Variants in PEPD observed in about 807,000 individuals in gnomAD.
The protein encoded by PEPD is peptidase D, also known as xaa-Pro dipeptidase.
Under a neutral mutation model 60.7 loss-of-function variants are expected in PEPD, and 53 were observed. That is an observed-to-expected ratio of 0.87 (90% CI 0.70 to 1.10). PEPD has a LOEUF of 1.10. Among genes scored for constraint, PEPD ranks in the 50% least tolerant of loss-of-function variants. The pLI is 0.00. For synonymous variants in PEPD, 267 were observed against 284.1 expected (o/e 0.94, Z 0.60); for missense variants, 711 against 711.9 (o/e 1.00, Z 0.01).
rs1013953631 is a variant in PEPD at position 33,488,123 on chromosome 19, G to A, written c.503+1873C>T. Among the ~76,000 whole-genome samples, 7 of 152,130 alleles carry A rather than the reference G, an allele frequency of 4.6e-5. No individual in the cohort carries two copies. The South Asian group carries it at 6.2e-4, about 13-fold the overall frequency. ...AGGAGGAGCAAGCAAAGCTCTCACC[G>A]CTGAGAAGGCCCTCGACTCACTGAC... is the stretch of plus-strand genomic sequence containing the variant. On this transcript the variant is annotated intron_variant, in intron 6 of 14. Coordinates refer to ENST00000244137, the MANE Select transcript of PEPD (RefSeq NM_000285.4).
rs534504615 is a variant in PEPD, at chr19:33,518,972, A to G, written c.17+2772T>C. Among the ~76,000 whole-genome samples, 8 of 152,328 alleles carry G rather than the reference A, an allele frequency of 5.3e-5. No individual in the cohort carries two copies. In the South Asian group the frequency reaches 1.7e-3, roughly 32 times the overall value. ...ATCATATAGAGGACAAGAACATTCCAGGGCTAGTTGGGTGAGTGTGCAAGG... is the reference window on the plus strand; with the variant it reads ...ATCATATAGAGGACAAGAACATTCCGGGGCTAGTTGGGTGAGTGTGCAAGG... On this transcript the variant is annotated intron_variant, in intron 1 of 14. Transcript: ENST00000244137.
Position 33,490,012 on chromosome 19 carries a change from A to G in PEPD, c.487T>C (p.Phe163Leu). The G allele has an allele frequency of 6.2e-7, 1 of 1,609,546 alleles. No homozygotes were observed. Among genetic ancestry groups the G allele is most frequent in the Non-Finnish European group, 8.5e-7 (1 of 1,177,228 alleles). Reference protein sequence around the residue: ...DSGSVCREASFDGISKFEVNN... With the variant: ...DSGSVCREASLDGISKFEVNN... ...AGGACTCACTTGCTGATGCCGTCAA[A>G]GGAGGCCTCCCTGCAGACACTGCCG... The change falls in exon 6 of 15, where the codon TTT (phenylalanine) becomes CTT (leucine). Residue 163 changes from phenylalanine (F) to leucine (L), a missense_variant. Coordinates refer to ENST00000244137, the MANE Select transcript of PEPD (RefSeq NM_000285.4).
chr19:33,489,553 C>T (rs546432524), intron 6 of PEPD, among the ~76,000 whole-genome samples: 19 of 152,012 alleles, frequency 1.2e-4, no homozygotes, highest in South Asian at 8.3e-4. Flanking sequence ...CACTTGAATC[C>T]GGGAGATGGA....
intron 1 of PEPD, among the ~76,000 whole-genome samples, chr19:33,520,806 C>CA (rs1164873302): frequency 1.3e-5 from 2 of 150,702 alleles, no homozygotes; most frequent in Non-Finnish European, 3.0e-5. Context: ...ACTGTACCAC[C>CA]AGACCCACAC....
At chr19:33,439,127 T>C (rs2145407642) in intron 9 of PEPD, among the ~76,000 whole-genome samples, 1 of 152,356 alleles carries the variant, frequency 6.6e-6, no homozygotes, top group Non-Finnish European at 1.5e-5. Context: ...TTGGAGGGGC[T>C]GCTTGAGACG....
intron 12 of PEPD, among the ~76,000 whole-genome samples, chr19:33,397,773 G>T (rs1968400286): frequency 6.6e-6 from 1 of 152,156 alleles, no homozygotes; most frequent in Non-Finnish European, 1.5e-5. Context: ...TGTGGCCCCA[G>T]ACACCCCTGC....
chr19:33,435,592 TC>T (rs1301597166), intron 9 of PEPD, among the ~76,000 whole-genome samples: 1 of 152,176 alleles, frequency 6.6e-6, no homozygotes, highest in Admixed American at 6.5e-5. Context: ...GGTGCTGGGG[TC>T]CCTGGGCCCT....
intron 12 of PEPD, among the ~76,000 whole-genome samples, chr19:33,397,523 GC>G (rs1968393486): frequency 6.6e-6 from 1 of 152,066 alleles, no homozygotes; most frequent in Non-Finnish European, 1.5e-5. Flanking sequence ...TGCCCCACGG[GC>G]CTTCACTGTG....
intron 9 of PEPD, among the ~76,000 whole-genome samples, chr19:33,416,212 C>G (rs1195183534): frequency 3.3e-5 from 5 of 152,186 alleles, no homozygotes; most frequent in Non-Finnish European, 5.9e-5. Flanking sequence ...GCTGGGATGA[C>G]CAGGAGCAAG....
rs917170557 is a variant in PEPD, at chr19:33,512,902, C to T, written c.18-126G>A. On this transcript the variant is annotated intron_variant, in intron 1 of 14. Transcript: ENST00000244137. ...GGGACCCCCATCAGCACGGGGCAAG[C>T]TGCCCAAGCTCCACCTACTTATGAC... 2.2e-5 allele frequency: 22 copies of T among 984,062 alleles called. No homozygotes were observed. The African/African-American group carries it at 3.2e-4, about 14-fold the overall frequency. 61.0% of individuals were successfully genotyped at this position (984,062 alleles called of 1,614,324 possible).
chr19:33,498,947 G>A (rs903087136), intron 4 of PEPD, among the ~76,000 whole-genome samples: 29 of 152,166 alleles, frequency 1.9e-4, no homozygotes, highest in Admixed American at 1.6e-3. Context: ...GTTTCACATC[G>A]AAGAGACCTG....
chr19:33,481,476 G>T (rs1970312824), intron 6 of PEPD, among the ~76,000 whole-genome samples: 1 of 152,156 alleles, frequency 6.6e-6, no homozygotes, highest in Non-Finnish European at 1.5e-5. Flanking sequence ...TGAGGCAGGA[G>T]AATTGCTTGA....
intron 7 of PEPD, among the ~76,000 whole-genome samples, chr19:33,472,708 A>C (rs749868378): frequency 6.6e-6 from 1 of 152,214 alleles, no homozygotes; most frequent in Non-Finnish European, 1.5e-5. Context: ...ACAAGGATGA[A>C]GGATTTCCAA....
chr19:33,432,560 C>T (rs1969296139), intron 9 of PEPD, among the ~76,000 whole-genome samples: 1 of 152,186 alleles, frequency 6.6e-6, no homozygotes, highest in Non-Finnish European at 1.5e-5. Flanking sequence ...GGTGCTCTCA[C>T]TGGAAAAAAA....
chr19:33,388,383 C>T, intron 13 of PEPD: 1 of 577,086 alleles, frequency 1.7e-6, no homozygotes, highest in Non-Finnish European at 3.2e-6. Flanking sequence ...GCCTGTGGGG[C>T]TGGCTGAGGG....
In PEPD at chr19:33,501,113, G is replaced by A. The variant is rs565781070; in HGVS notation, c.330-112C>T. 1.9e-4 allele frequency: 144 copies of A among 773,204 alleles called. No individual in the cohort carries two copies. The African/African-American group carries it at 2.0e-3, about 11-fold the overall frequency. The allele number at this position is 773,204 out of a possible 1,614,324, so 47.9% of individuals were successfully genotyped here. On this transcript the variant is annotated intron_variant, in intron 3 of 14. Transcript: ENST00000244137. ...GGAGCCCCAGTCCCATCCCTATCAC[G>A]GTCAGCACCCAGCACCCAGCACCCG...
intron 12 of PEPD, among the ~76,000 whole-genome samples, chr19:33,394,691 C>T (rs1267508187): frequency 6.6e-6 from 1 of 152,182 alleles, no homozygotes; most frequent in Non-Finnish European, 1.5e-5. Flanking sequence ...CACTCTCAGG[C>T]TCCTCCCACC....
intron 4 of PEPD, among the ~76,000 whole-genome samples, chr19:33,500,375 A>C (rs1270101948): frequency 6.6e-6 from 1 of 152,226 alleles, no homozygotes; most frequent in Non-Finnish European, 1.5e-5. Flanking sequence ...GAGTCAGGGC[A>C]GCCCCTTTGA....
chr19:33,449,000 A>G (rs141251509), intron 9 of PEPD, among the ~76,000 whole-genome samples: 1,703 of 152,224 alleles, frequency 0.011, 26 homozygotes, highest in South Asian at 0.071. Context: ...AGAGGTGGGG[A>G]CCCAGGGTTT....
Sources: gnomAD v4.1 joint callset for allele counts (sites outside exome capture counted in the v4.1 genomes callset) on GRCh38, gnomAD v4.1.1 for gene constraint, MANE v1.5 for transcripts, NCBI Gene and HGNC (gene_info 2026-07-23, HGNC 2026-07-21) for gene names.